Variants in SAMD10 observed in about 807,000 individuals in gnomAD.
SAMD10 encodes sterile alpha motif domain containing 10, also known as sterile alpha motif domain-containing protein 10.
SAMD10 carries 16 observed loss-of-function variants against 22.5 expected under a neutral mutation model. That is an observed-to-expected ratio of 0.71 (90% CI 0.48 to 1.08). The LOEUF (loss-of-function observed/expected upper bound fraction) is 1.08, where lower values mean the gene tolerates loss of function less well. Among genes scored for constraint, SAMD10 ranks in the 50% least tolerant of loss-of-function variants. SAMD10 has a pLI of 0.00. For missense variants in SAMD10, 227 were observed against 281.3 expected (o/e 0.81, Z 1.38); for synonymous variants, 118 against 122.2 (o/e 0.97, Z 0.23).
chr20:63,979,538 G>C lies in SAMD10; in HGVS notation c.-71C>G. 9.6e-7 allele frequency: 1 copy of C among 1,036,848 alleles called. No individual in the cohort carries two copies. Among genetic ancestry groups the C allele is most frequent in the Non-Finnish European group, 1.2e-6 (1 of 864,314 alleles). The allele number at this position is 1,036,848 out of a possible 1,614,324, so 64.2% of individuals were successfully genotyped here. A position where few individuals can be genotyped will look rare whatever the true frequency, so the allele number is the denominator to read the frequency against. On this transcript the variant is annotated 5_prime_UTR_variant, in exon 1 of 5. Transcript: ENST00000369886. This position sits in a 1 kb window ranked among gnomAD's most constrained non-coding sequence, Gnocchi z 7.7. ...CAGGGCGGCCGGTGTGGCCGGCGGGGAACGCGCGCCGCCGCCCCGCCCCGC... is the reference window on the plus strand; with the variant it reads ...CAGGGCGGCCGGTGTGGCCGGCGGGCAACGCGCGCCGCCGCCCCGCCCCGC...
In SAMD10 at chr20:63,979,067, TG is replaced by T. The variant is rs2059044423; in HGVS notation, c.91+309del. 6.6e-6 allele frequency among the ~76,000 whole-genome samples: 1 copy of T among 152,084 alleles called. No homozygotes were observed. Among genetic ancestry groups the T allele is most frequent in the Non-Finnish European group, 1.5e-5 (1 of 67,992 alleles). ...GACCTCGGCCCCCTTTCGGCCCCACTGCAAAAGCGGGGGAGGGTTTTCCCCG... is the reference window on the plus strand; with the variant it reads ...GACCTCGGCCCCCTTTCGGCCCCACTCAAAAGCGGGGGAGGGTTTTCCCCG... On this transcript the variant is annotated intron_variant, in intron 1 of 4. Transcript: ENST00000369886. The surrounding 1 kb of genome is among the most constrained non-coding windows in gnomAD (Gnocchi z 7.7).
intron 1 of SAMD10, chr20:63,978,408 G>C: frequency 1.3e-6 from 1 of 775,810 alleles, no homozygotes; most frequent in Non-Finnish European, 1.9e-6. Flanking sequence ...TGTCTTTACA[G>C]CACCCTAGCA....
intron 1 of SAMD10, chr20:63,978,313 A>G: frequency 3.9e-6 from 5 of 1,289,332 alleles, no homozygotes; most frequent in African/African-American, 1.5e-5. Context: ...TTCATTGTCA[A>G]TGAATGAATG....
Position 63,975,246 on chromosome 20 carries a change from C to T in SAMD10, c.*264G>A, listed in dbSNP as rs1166985659. 1.9e-6 allele frequency: 1 copy of T among 522,794 alleles called. No homozygotes were observed. Among genetic ancestry groups the T allele is most frequent in the Non-Finnish European group, 3.3e-6 (1 of 299,234 alleles). 32.4% of individuals were successfully genotyped at this position (522,794 alleles called of 1,614,324 possible). Reference sequence around the variant, plus strand: ...CAGCTGCCCCACATGCTGCCAGCTGCACCAGGGGAGGGCTTGGGCTCAGGT... The same window carrying T: ...CAGCTGCCCCACATGCTGCCAGCTGTACCAGGGGAGGGCTTGGGCTCAGGT... On this transcript the variant is annotated 3_prime_UTR_variant, in exon 5 of 5. Coordinates refer to ENST00000369886, the MANE Select transcript of SAMD10 (RefSeq NM_080621.5).
intron 3 of SAMD10, 70 bp downstream of exon 3, chr20:63,976,901 C>G: frequency 6.7e-7 from 1 of 1,491,454 alleles, no homozygotes; most frequent in South Asian, 1.2e-5. Context: ...GAAAGGCAGG[C>G]TGAGTGTGGG....
chr20:63,980,041 GC>G, upstream of SAMD10: 2 of 152,694 alleles, frequency 1.3e-5, no homozygotes, highest in Admixed American at 1.3e-4. Context: ...CTGGCTCAGT[GC>G]CCGGGGGAGA....
rs989832418 is a variant in SAMD10, at chr20:63,977,700, A to T, written c.92-294T>A. On this transcript the variant is annotated intron_variant, in intron 1 of 4. Transcript: ENST00000369886. This position sits in a 1 kb window ranked among gnomAD's most constrained non-coding sequence, Gnocchi z 5.4. ...GAGGATGTGCCCTCTAGGGAAGGGAACCTGAGACATATGACAAGAGGAGCT... is the reference window on the plus strand; with the variant it reads ...GAGGATGTGCCCTCTAGGGAAGGGATCCTGAGACATATGACAAGAGGAGCT... 3.3e-5 allele frequency among the ~76,000 whole-genome samples: 5 copies of T among 152,224 alleles called. No homozygotes were observed. The highest frequency in any genetic ancestry group is 5.9e-5 in the Non-Finnish European group (4 of 68,038).
chr20:63,979,560 CCGCCCCAGCCGGCCCCG>C lies in SAMD10; in HGVS notation c.-110_-94del, dbSNP rs2059049919. 1.5e-5 allele frequency: 15 copies of C among 988,178 alleles called. No individual in the cohort carries two copies. The highest frequency in any genetic ancestry group is 1.8e-5 in the Non-Finnish European group (15 of 832,978). The allele number at this position is 988,178 out of a possible 1,614,324, so 61.2% of individuals were successfully genotyped here. On this transcript the variant is annotated 5_prime_UTR_variant, in exon 1 of 5. Transcript: ENST00000369886. The surrounding 1 kb of genome is among the most constrained non-coding windows in gnomAD (Gnocchi z 7.7). Reference sequence around the variant, plus strand: ...GGGGAACGCGCGCCGCCGCCCCGCCCCGCCCCAGCCGGCCCCGCGCCCGAGCCGGTCCCCGCGGCCCG... The same window carrying C: ...GGGGAACGCGCGCCGCCGCCCCGCCCCGCCCGAGCCGGTCCCCGCGGCCCG...
At chr20:63,976,328 CAGAG>C (rs1175800048) in intron 3 of SAMD10, among the ~76,000 whole-genome samples, 1 of 151,656 alleles carries the variant, frequency 6.6e-6, no homozygotes, top group South Asian at 2.1e-4. Context: ...CAGAGAGACT[CAGAG>C]GGAGAAAGAG....
rs2059034372 is a variant in SAMD10 at position 63,977,616 on chromosome 20, C to T, written c.92-210G>A. Among the ~76,000 whole-genome samples the T allele has an allele frequency of 1.3e-5, 2 of 152,222 alleles. No individual in the cohort carries two copies. Among genetic ancestry groups the T allele is most frequent in the Admixed American group, 6.5e-5 (1 of 15,286 alleles). On this transcript the variant is annotated intron_variant, in intron 1 of 4. Coordinates refer to ENST00000369886, the MANE Select transcript of SAMD10 (RefSeq NM_080621.5). This position sits in a 1 kb window ranked among gnomAD's most constrained non-coding sequence, Gnocchi z 5.4. The stretch of plus-strand genomic sequence containing the variant: ...CACAAAAAGAGAAGAACTGGAAACA[C>T]CTTTCATCTTGCAAGTCTACAGCCC...
chr20:63,979,549 G>GCCGCC lies in SAMD10; in HGVS notation c.-87_-83dup, dbSNP rs892609361. The GCCGCC allele has an allele frequency of 7.9e-5, 79 of 997,108 alleles. No individual in the cohort carries two copies. The highest frequency in any genetic ancestry group is 3.6e-4 in the South Asian group (8 of 22,130). The allele number at this position is 997,108 out of a possible 1,614,324, so 61.8% of individuals were successfully genotyped here. On this transcript the variant is annotated 5_prime_UTR_variant, in exon 1 of 5. Coordinates refer to ENST00000369886, the MANE Select transcript of SAMD10 (RefSeq NM_080621.5). The surrounding 1 kb of genome is among the most constrained non-coding windows in gnomAD (Gnocchi z 7.7). ...GTGTGGCCGGCGGGGAACGCGCGCCGCCGCCCCGCCCCGCCCCAGCCGGCC... is the reference window on the plus strand; with the variant it reads ...GTGTGGCCGGCGGGGAACGCGCGCCGCCGCCCCGCCCCGCCCCGCCCCAGCCGGCC...
At chr20:63,978,868 C>G (rs1362275139) in intron 1 of SAMD10, among the ~76,000 whole-genome samples, 1 of 152,208 alleles carries the variant, frequency 6.6e-6, no homozygotes, top group African/African-American at 2.4e-5. Flanking sequence ...CCGGGGAAAC[C>G]CGTCGGACTC....
chr20:63,979,718 C>CGA, upstream of SAMD10: 7 of 981,966 alleles, frequency 7.1e-6, no homozygotes, highest in Non-Finnish European at 8.5e-6. This position sits in a 1 kb window ranked among gnomAD's most constrained non-coding sequence, Gnocchi z 7.7. Context: ...TCCGCCAGGG[C>CGA]GAGGGGCGTC....
At chr20:63,976,868 G>A in intron 3 of SAMD10, 103 bp downstream of exon 3, 1 of 1,138,484 alleles carries the variant, frequency 8.8e-7, no homozygotes, top group East Asian at 2.6e-5. Context: ...GGAGAAACTA[G>A]ACAGACGAAA....
In SAMD10 at chr20:63,975,345, A is replaced by C; in HGVS notation, c.*165T>G. 6.5e-5 allele frequency: 46 copies of C among 706,282 alleles called. No individual in the cohort carries two copies. The highest frequency in any genetic ancestry group is 2.7e-4 in the East Asian group (8 of 29,142). The allele number at this position is 706,282 out of a possible 1,614,324, so 43.8% of individuals were successfully genotyped here. ...AGGGCACGACCTGGAATGTCCAACC[A>C]GAGGCGCCTGGAGGTGTGATCCTGG... is the stretch of plus-strand genomic sequence containing the variant. On this transcript the variant is annotated 3_prime_UTR_variant, in exon 5 of 5. Transcript: ENST00000369886.
chr20:63,978,291 G>A (rs753198431), intron 1 of SAMD10: 1 of 1,302,494 alleles, frequency 7.7e-7, no homozygotes, highest in South Asian at 1.2e-5. Flanking sequence ...GGTTACAGAG[G>A]GGCACCCCAC....
chr20:63,978,374 A>G, intron 1 of SAMD10: 2 of 1,183,540 alleles, frequency 1.7e-6, no homozygotes, highest in Non-Finnish European at 2.3e-6. Context: ...GTGGGGAGAC[A>G]GAAGGTGGGC....
intron 4 of SAMD10, 76 bp from the exon 5 acceptor site, chr20:63,975,608 A>T (rs1301176511): frequency 1.9e-5 from 30 of 1,581,120 alleles, no homozygotes; most frequent in Non-Finnish European, 2.1e-5. Flanking sequence ...TGGGGCCTGC[A>T]GCCGACCTCC....
chr20:63,975,591 C>CGCTTACT, intron 4 of SAMD10, 59 bp from the exon 5 acceptor site: 2 of 1,586,968 alleles, frequency 1.3e-6, no homozygotes, highest in African/African-American at 1.4e-5. Flanking sequence ...TGCATTAGGG[C>CGCTTACT]GCTTACTGGG....
Sources: gnomAD v4.1 joint callset for allele counts (sites outside exome capture counted in the v4.1 genomes callset) on GRCh38, gnomAD v4.1.1 for gene constraint, Gnocchi (gnomAD v3.1) non-coding constraint, MANE v1.5 for transcripts, NCBI Gene and HGNC (gene_info 2026-07-23, HGNC 2026-07-21) for gene names.